Variants in GRIA4 observed in about 807,000 individuals in gnomAD.
The protein encoded by GRIA4 is glutamate ionotropic receptor AMPA type subunit 4.
In GRIA4, 34 loss-of-function variants were observed where a neutral mutation model predicts 104.0. The observed-to-expected ratio is 0.33, with a 90% confidence interval of 0.25 to 0.44. The LOEUF is 0.44. GRIA4 is among the 20% of genes least tolerant of loss of function. The pLI is 1.00. For missense variants in GRIA4, 750 were observed against 1,096.5 expected (o/e 0.68, Z 4.46); for synonymous variants, 386 against 381.9 (o/e 1.01, Z -0.13).
rs550891781 is a variant in GRIA4, at chr11:105,632,142, G to A, written c.247+19708G>A. On this transcript the variant is annotated intron_variant, in intron 3 of 16. Coordinates refer to ENST00000282499, the MANE Select transcript of GRIA4 (RefSeq NM_000829.4). ...ACAGGGGATTGATAATTCAAGAACC[G>A]TAATTCTGTCATGGGTATGCAGTAT... Among the ~76,000 whole-genome samples the A allele has an allele frequency of 3.9e-5, 6 of 152,272 alleles. No individual in the cohort carries two copies. The East Asian group carries it at 7.7e-4, about 20-fold the overall frequency.
chr11:105,775,301 C>A (rs1941399963), intron 4 of GRIA4, among the ~76,000 whole-genome samples: 1 of 152,078 alleles, frequency 6.6e-6, no homozygotes, highest in Non-Finnish European at 1.5e-5. Context: ...AGACAATATT[C>A]ACAGATTCCA....
chr11:105,753,315 C>A, intron 4 of GRIA4, 95 bp downstream of exon 4: 1 of 1,059,546 alleles, frequency 9.4e-7, no homozygotes, highest in African/African-American at 1.6e-5. Context: ...TGTTTGATCT[C>A]TAACATCACT....
At chr11:105,709,557 C>G (rs1424858874) in intron 3 of GRIA4, among the ~76,000 whole-genome samples, 1 of 152,046 alleles carries the variant, frequency 6.6e-6, no homozygotes, top group African/African-American at 2.4e-5. Context: ...CTGGTGGACA[C>G]CATCTTAACC....
chr11:105,907,359 G>A (rs1457665836), intron 9 of GRIA4, among the ~76,000 whole-genome samples: 4 of 152,176 alleles, frequency 2.6e-5, no homozygotes, highest in Non-Finnish European at 4.4e-5. Flanking sequence ...CGGGCATTGT[G>A]TCAGGAATAT....
intron 5 of GRIA4, among the ~76,000 whole-genome samples, chr11:105,885,853 G>A (rs1946237124): frequency 6.6e-6 from 1 of 152,206 alleles, no homozygotes; most frequent in Non-Finnish European, 1.5e-5. Flanking sequence ...GTGGCCTCAG[G>A]CCAGTGATAC....
At chr11:105,697,173 A>C (rs984571371) in intron 3 of GRIA4, among the ~76,000 whole-genome samples, 1 of 152,168 alleles carries the variant, frequency 6.6e-6, no homozygotes, top group African/African-American at 2.4e-5. Flanking sequence ...CAAGCACTTA[A>C]ATGGAACACA....
At chr11:105,612,507 T>A (rs1950506289) in intron 3 of GRIA4, 73 bp downstream of exon 3, 1 of 1,205,210 alleles carries the variant, frequency 8.3e-7, no homozygotes, top group East Asian at 2.4e-5. Flanking sequence ...TCCTCTTTGT[T>A]ATTTAATTTT....
chr11:105,911,918 A>G (rs375961725), intron 10 of GRIA4: 87 of 1,564,676 alleles, frequency 5.6e-5, no homozygotes, highest in African/African-American at 1.1e-4. Flanking sequence ...ATCAAGAAAG[A>G]AAAGAGTTCC....
At chr11:105,805,750 T>C (rs999002959) in intron 4 of GRIA4, among the ~76,000 whole-genome samples, 1 of 151,898 alleles carries the variant, frequency 6.6e-6, no homozygotes, top group South Asian at 2.1e-4. Flanking sequence ...TCCATTTTAG[T>C]AAGGATTTAT....
intron 3 of GRIA4, among the ~76,000 whole-genome samples, chr11:105,659,673 C>G (rs146529189): frequency 6.6e-4 from 101 of 151,956 alleles, no homozygotes; most frequent in African/African-American, 2.0e-3. Context: ...ACAGCTTAAA[C>G]TAAAGCTTGT....
chr11:105,948,593 TTG>T lies in GRIA4; in HGVS notation c.2294+14626_2294+14627del, dbSNP rs367788725. ...TTCTTTCTTTTCTTTTCTTTTCTTT[TTG>T]TTTTTTTTTTTTTTTTTTTTGAGAT... On this transcript the variant is annotated intron_variant, in intron 14 of 16. Transcript: ENST00000282499. Among the ~76,000 whole-genome samples, 642 of 123,480 alleles carry T rather than the reference TTG, an allele frequency of 5.2e-3. 2 individuals carry two copies. The highest frequency in any genetic ancestry group is 0.014 in the African/African-American group (456 of 32,522). The allele number at this position is 123,480 out of a possible 152,430, so 81.0% of individuals were successfully genotyped here.
At chr11:105,611,619 C>T (rs1020230849) in intron 2 of GRIA4, among the ~76,000 whole-genome samples, 3 of 152,178 alleles carry the variant, frequency 2.0e-5, no homozygotes, top group African/African-American at 7.2e-5. Flanking sequence ...AGCTTCTCCC[C>T]TTTTATTTTG....
At chr11:105,943,705 C>A (rs1296926341) in intron 14 of GRIA4, among the ~76,000 whole-genome samples, 1 of 152,022 alleles carries the variant, frequency 6.6e-6, no homozygotes, top group African/African-American at 2.4e-5. Flanking sequence ...TTCATAGATT[C>A]CCAGATCATT....
chr11:105,614,774 A>T (rs1003086229), intron 3 of GRIA4, among the ~76,000 whole-genome samples: 2 of 151,984 alleles, frequency 1.3e-5, no homozygotes, highest in African/African-American at 4.8e-5. Flanking sequence ...ATTTGGGAAA[A>T]AATCAATAGT....
intron 3 of GRIA4, among the ~76,000 whole-genome samples, chr11:105,620,638 C>T (rs1316864685): frequency 6.6e-6 from 1 of 151,792 alleles, no homozygotes; most frequent in Non-Finnish European, 1.5e-5. Context: ...GTTTGTAACG[C>T]AGCACAAAAA....
At position 105,612,128 on chromosome 11, in the gene GRIA4, G is replaced by A. The variant is rs182523014; in HGVS notation, c.89-148G>A. ...GACTAAATACTAAGCATGCACCTTA[G>A]GGACAAAGGGCAGTCTCCCTAGATG... is the stretch of plus-strand genomic sequence containing the variant. On this transcript the variant is annotated intron_variant, in intron 2 of 16. Transcript: ENST00000282499. 255 of 677,796 alleles carry A rather than the reference G, an allele frequency of 3.8e-4. No homozygotes were observed. The African/African-American group carries it at 4.1e-3, about 11-fold the overall frequency. 42.0% of individuals were successfully genotyped at this position (677,796 alleles called of 1,614,324 possible).
chr11:105,804,012 G>T (rs910155815), intron 4 of GRIA4, among the ~76,000 whole-genome samples: 6 of 151,686 alleles, frequency 4.0e-5, no homozygotes, highest in Non-Finnish European at 8.8e-5. Flanking sequence ...TTTGGGCATA[G>T]AAAATTAACA....
intron 3 of GRIA4, 93 bp from the exon 4 acceptor site, chr11:105,752,888 A>G: frequency 8.4e-7 from 1 of 1,195,748 alleles, no homozygotes; most frequent in Non-Finnish European, 1.2e-6. Context: ...TGATTCAGTG[A>G]TTTTTATTTT....
At chr11:105,635,419 C>T (rs1369428840) in intron 3 of GRIA4, among the ~76,000 whole-genome samples, 3 of 152,122 alleles carry the variant, frequency 2.0e-5, no homozygotes, top group Non-Finnish European at 2.9e-5. Flanking sequence ...TCCATAGTAA[C>T]TGCCAAGCAT....
Sources: gnomAD v4.1 joint callset for allele counts (sites outside exome capture counted in the v4.1 genomes callset) on GRCh38, gnomAD v4.1.1 for gene constraint, MANE v1.5 for transcripts, NCBI Gene and HGNC (gene_info 2026-07-23, HGNC 2026-07-21) for gene names.